The following FAF2 variants were observed in gnomAD, a reference collection of about 807,000 sequenced individuals.
The protein encoded by FAF2 is Fas associated factor family member 2, also known as FAS-associated factor 2.
A neutral mutation model predicts 62.3 loss-of-function variants in FAF2; 9 were observed. The ratio of observed to expected loss-of-function variants is 0.14; its 90% confidence interval spans 0.09 to 0.25. The LOEUF is 0.25. Among genes scored for constraint, FAF2 ranks in the 10% least tolerant of loss-of-function variants. The probability of loss-of-function intolerance (pLI) is 1.00; values close to 1 mark genes in which losing one functional copy is unlikely to be tolerated. For synonymous variants in FAF2, 202 were observed against 198.0 expected (o/e 1.02, Z -0.17); for missense variants, 368 against 556.2 (o/e 0.66, Z 3.40).
intron 1 of FAF2, chr5:176,453,196 T>G (rs1481866099): frequency 6.6e-6 from 1 of 152,238 alleles, no homozygotes; most frequent in Non-Finnish European, 1.5e-5. Context: ...TGGGAAAGAA[T>G]AAGGACATAG....
chr5:176,471,684 CTTT>C (rs70991555), intron 1 of FAF2, among the ~76,000 whole-genome samples: 9 of 122,590 alleles, frequency 7.3e-5, no homozygotes, highest in Admixed American at 8.4e-5. Context: ...CGCCCGGCCT[CTTT>C]TTTTTTTTTT....
chr5:176,450,556 CTT>C (rs772435860), intron 1 of FAF2, among the ~76,000 whole-genome samples: 10 of 144,080 alleles, frequency 6.9e-5, no homozygotes, highest in Non-Finnish European at 4.6e-5. Context: ...CTGTGGAGAT[CTT>C]TTTTTTTTTT....
intron 5 of FAF2, 74 bp from the exon 6 acceptor site, chr5:176,493,925 A>T (rs867134556): frequency 2.0e-6 from 2 of 998,836 alleles, no homozygotes; most frequent in Non-Finnish European, 3.1e-6. Context: ...AACTGTATCC[A>T]TTAGGACCCT....
At chr5:176,449,037 TAA>T (rs1390325154) in intron 1 of FAF2, among the ~76,000 whole-genome samples, 1 of 152,218 alleles carries the variant, frequency 6.6e-6, no homozygotes, top group Non-Finnish European at 1.5e-5. Flanking sequence ...TGCAAGATGA[TAA>T]GTGTCATCAG....
rs148219874 is a variant in FAF2, at chr5:176,478,739, A to G, written c.64-449A>G. ...ACTGAATGAGCATCTCAAATCTGAA[A>G]TGTTCCACTATGCATTTCCTTTGAG... On this transcript the variant is annotated intron_variant, in intron 1 of 10. Coordinates refer to ENST00000261942, the MANE Select transcript of FAF2 (RefSeq NM_014613.3). Among the ~76,000 whole-genome samples, 221 of 152,330 alleles carry G rather than the reference A, an allele frequency of 1.5e-3. 1 individual carries two copies. Among genetic ancestry groups the G allele is most frequent in the African/African-American group, 5.1e-3 (212 of 41,578 alleles).
chr5:176,504,309 C>T (rs1401004539), intron 10 of FAF2, among the ~76,000 whole-genome samples: 3 of 151,930 alleles, frequency 2.0e-5, no homozygotes, highest in Non-Finnish European at 2.9e-5. Flanking sequence ...TCTGGCCGGG[C>T]TTGGTGGCTC....
At chr5:176,459,272 T>C (rs1396499625) in intron 1 of FAF2, among the ~76,000 whole-genome samples, 1 of 135,848 alleles carries the variant, frequency 7.4e-6, no homozygotes, top group East Asian at 2.0e-4. Context: ...TTTTTTTTTC[T>C]TTTTGAGATA....
chr5:176,497,568 A>G (rs1755520728), intron 8 of FAF2, among the ~76,000 whole-genome samples: 1 of 152,196 alleles, frequency 6.6e-6, no homozygotes, highest in Non-Finnish European at 1.5e-5. Context: ...TCCATTATCT[A>G]AATACATCAT....
intron 1 of FAF2, among the ~76,000 whole-genome samples, chr5:176,455,974 A>G (rs1046366099): frequency 5.3e-5 from 8 of 151,724 alleles, no homozygotes; most frequent in Non-Finnish European, 1.0e-4. Flanking sequence ...TATGGGTCTC[A>G]TTCTCATTGG....
intron 1 of FAF2, among the ~76,000 whole-genome samples, chr5:176,465,175 G>A (rs972939306): frequency 1.3e-5 from 2 of 152,114 alleles, no homozygotes; most frequent in Non-Finnish European, 2.9e-5. Flanking sequence ...ACAGGCGTGA[G>A]CCACAGAGCC....
At chr5:176,506,251 T>G (rs976759671) in intron 10 of FAF2, among the ~76,000 whole-genome samples, 6 of 149,986 alleles carry the variant, frequency 4.0e-5, no homozygotes, top group Non-Finnish European at 7.4e-5. Context: ...TAAAAGATAA[T>G]TGGCAAAACT....
intron 1 of FAF2, among the ~76,000 whole-genome samples, chr5:176,473,869 G>A (rs577226523): frequency 1.3e-4 from 20 of 152,154 alleles, no homozygotes; most frequent in Non-Finnish European, 2.5e-4. Context: ...TTCCCAAAGT[G>A]TTAGGATTAC....
At chr5:176,455,155 T>C (rs1703811091) in intron 1 of FAF2, among the ~76,000 whole-genome samples, 1 of 152,178 alleles carries the variant, frequency 6.6e-6, no homozygotes, top group Non-Finnish European at 1.5e-5. Flanking sequence ...AGATACAACA[T>C]TGTACACTTA....
chr5:176,471,750 G>C (rs113906079), intron 1 of FAF2, among the ~76,000 whole-genome samples: 1 of 143,566 alleles, frequency 7.0e-6, no homozygotes, highest in East Asian at 2.1e-4. Flanking sequence ...GCAGTGGTGC[G>C]ATCTTGGCTC....
intron 1 of FAF2, among the ~76,000 whole-genome samples, chr5:176,448,701 C>T (rs1024595465): frequency 6.6e-6 from 1 of 152,106 alleles, no homozygotes; most frequent in Non-Finnish European, 1.5e-5. Flanking sequence ...CCTCTGTGCC[C>T]TCAGCGTGTC....
intron 2 of FAF2, among the ~76,000 whole-genome samples, chr5:176,482,241 G>A (rs1758792501): frequency 7.7e-6 from 1 of 129,158 alleles, no homozygotes; most frequent in African/African-American, 2.9e-5. Context: ...TTTTTGAGAT[G>A]AAGTTTCACT....
intron 1 of FAF2, among the ~76,000 whole-genome samples, chr5:176,470,772 GA>G (rs1484444731): frequency 1.3e-5 from 2 of 152,188 alleles, no homozygotes; most frequent in African/African-American, 4.8e-5. Context: ...GAGATCACTG[GA>G]AAACGATCCT....
Position 176,481,814 on chromosome 5 carries a change from G to A in FAF2, c.132+2558G>A, listed in dbSNP as rs1027726416. 1.4e-4 allele frequency among the ~76,000 whole-genome samples: 22 copies of A among 152,046 alleles called. 2 individuals carry two copies. Among genetic ancestry groups the A allele is most frequent in the African/African-American group, 7.2e-5 (3 of 41,388 alleles). On this transcript the variant is annotated intron_variant, in intron 2 of 10. Transcript: ENST00000261942. ...GACTACAGGCCCACGCTACCACACC[G>A]GGCCCTAGCGTTCAAGCTCTTGTGT...
At chr5:176,503,534 G>T (rs1755629630) in intron 10 of FAF2, among the ~76,000 whole-genome samples, 1 of 134,932 alleles carries the variant, frequency 7.4e-6, no homozygotes, top group African/African-American at 2.8e-5. Context: ...CAGCCTGAGT[G>T]AAAAAAGCAA....
Sources: gnomAD v4.1 joint callset for allele counts (sites outside exome capture counted in the v4.1 genomes callset) on GRCh38, gnomAD v4.1.1 for gene constraint, MANE v1.5 for transcripts, NCBI Gene and HGNC (gene_info 2026-07-23, HGNC 2026-07-21) for gene names.